QTMAN: variants seen among roughly 807,000 people sequenced by gnomAD.
QTMAN encodes tRNA-queuosine alpha-mannosyltransferase.
the QTMAN span, among the ~76,000 whole-genome samples, chr2:144,039,293 C>G: frequency 6.6e-6 from 1 of 152,090 alleles, no homozygotes; most frequent in Non-Finnish European, 1.5e-5. Flanking sequence ...CCCCCTCCCC[C>G]CTGCTCCTTT....
the QTMAN span, chr2:143,943,633 C>A: frequency 1.3e-5 from 2 of 152,148 alleles, no homozygotes; most frequent in Non-Finnish European, 2.9e-5. Context: ...AAAATGAAAT[C>A]TTTGCTTCCA....
chr2:144,145,706 G>C, the QTMAN span: 2 of 1,611,268 alleles, frequency 1.2e-6, no homozygotes, highest in Non-Finnish European at 1.7e-6. Context: ...CAGCCAGTTC[G>C]GTCAGGTTAA....
the QTMAN span, among the ~76,000 whole-genome samples, chr2:144,316,908 T>C: frequency 4.6e-5 from 7 of 152,224 alleles, no homozygotes; most frequent in African/African-American, 1.7e-4. Flanking sequence ...CTCTAAGACT[T>C]TGTATACACC....
At chr2:144,087,850 T>C in the QTMAN span, among the ~76,000 whole-genome samples, 2 of 152,054 alleles carry the variant, frequency 1.3e-5, no homozygotes, top group African/African-American at 2.4e-5. Context: ...TCATAGTGAA[T>C]AGAGAAAAGC....
At chr2:143,978,976 A>T in the QTMAN span, among the ~76,000 whole-genome samples, 2 of 152,210 alleles carry the variant, frequency 1.3e-5, no homozygotes, top group Non-Finnish European at 2.9e-5. Context: ...GGTCCAGTTT[A>T]AGAGACTCTT....
chr2:144,060,973 G>C, the QTMAN span, among the ~76,000 whole-genome samples: 3 of 151,966 alleles, frequency 2.0e-5, no homozygotes, highest in South Asian at 4.1e-4. Flanking sequence ...AATAATTTTA[G>C]AGAATCATGT....
chr2:144,276,564 T>C, the QTMAN span, among the ~76,000 whole-genome samples: 20 of 152,290 alleles, frequency 1.3e-4, no homozygotes, highest in Non-Finnish European at 2.5e-4. Flanking sequence ...TTGTTTCTAA[T>C]ACTTCTATTT....
At chr2:144,054,545 A>G in the QTMAN span, among the ~76,000 whole-genome samples, 3 of 152,198 alleles carry the variant, frequency 2.0e-5, no homozygotes, top group Non-Finnish European at 2.9e-5. Context: ...GATAAATCAC[A>G]GTTTACTCAA....
the QTMAN span, among the ~76,000 whole-genome samples, chr2:144,052,871 A>G: frequency 6.6e-6 from 1 of 152,030 alleles, no homozygotes. Flanking sequence ...CTGGTCTCAA[A>G]CTCCAGACCT....
chr2:144,032,720 G>T, the QTMAN span, among the ~76,000 whole-genome samples: 1 of 152,254 alleles, frequency 6.6e-6, no homozygotes, highest in East Asian at 1.9e-4. Flanking sequence ...AGTGTTGCTT[G>T]GCAAAAACAC....
chr2:144,029,512 T>G, the QTMAN span, among the ~76,000 whole-genome samples: 2 of 152,154 alleles, frequency 1.3e-5, no homozygotes, highest in African/African-American at 2.4e-5. Flanking sequence ...ATTTGTTCTC[T>G]TCTTCCATTA....
chr2:144,224,731 T>G, the QTMAN span, among the ~76,000 whole-genome samples: 1 of 152,236 alleles, frequency 6.6e-6, no homozygotes, highest in East Asian at 1.9e-4. Flanking sequence ...ACATGCTTGG[T>G]ATGTGCAAAA....
At chr2:144,219,164 C>T in the QTMAN span, among the ~76,000 whole-genome samples, 2 of 151,992 alleles carry the variant, frequency 1.3e-5, no homozygotes, top group African/African-American at 4.8e-5. Context: ...GAGTTTCACT[C>T]TTGTTGCCCA....
chr2:143,990,048 G>T, the QTMAN span, among the ~76,000 whole-genome samples: 1 of 152,016 alleles, frequency 6.6e-6, no homozygotes, highest in Admixed American at 6.6e-5. Context: ...TCTCAGTGTG[G>T]GGGGCTTGCA....
the QTMAN span, among the ~76,000 whole-genome samples, chr2:143,976,047 T>A: frequency 6.6e-6 from 1 of 152,216 alleles, no homozygotes; most frequent in East Asian, 1.9e-4. Context: ...CACCTGATCA[T>A]AATCTTACTT....
chr2:144,271,175 TTA>T, the QTMAN span, among the ~76,000 whole-genome samples: 1 of 152,226 alleles, frequency 6.6e-6, no homozygotes, highest in African/African-American at 2.4e-5. Flanking sequence ...AAAGATTTCT[TTA>T]TGTTTTTAAG....
the QTMAN span, among the ~76,000 whole-genome samples, chr2:144,319,416 T>C: frequency 1.2e-4 from 19 of 152,280 alleles, no homozygotes; most frequent in African/African-American, 4.1e-4. Context: ...GTGATAACTA[T>C]ATGAGTTTCA....
At chr2:144,217,600 AT>A in the QTMAN span, among the ~76,000 whole-genome samples, 2 of 152,108 alleles carry the variant, frequency 1.3e-5, no homozygotes, top group Non-Finnish European at 2.9e-5. Flanking sequence ...AAATACTTCA[AT>A]TTTTTTGTTA....
the QTMAN span, among the ~76,000 whole-genome samples, chr2:144,179,722 T>C: frequency 6.6e-6 from 1 of 152,104 alleles, no homozygotes; most frequent in Non-Finnish European, 1.5e-5. Flanking sequence ...AGAAGTATAG[T>C]TAGGTCACAG....
Sources: allele counts gnomAD v4.1 joint callset (sites outside exome capture counted in the v4.1 genomes callset), GRCh38; gene constraint gnomAD v4.1.1; transcripts MANE v1.5; gene names NCBI Gene and HGNC (gene_info 2026-07-23, HGNC 2026-07-21).